The following UBN2 variants were observed in gnomAD, a reference collection of about 807,000 sequenced individuals.
The protein encoded by UBN2 is ubinuclein 2.
A neutral mutation model predicts 120.2 loss-of-function variants in UBN2; 35 were observed. That is an observed-to-expected ratio of 0.29 (90% CI 0.22 to 0.39). The LOEUF is 0.39. UBN2 is among the 10% of genes least tolerant of loss of function. The pLI, the probability that UBN2 is intolerant of heterozygous loss-of-function variation, is 1.00. For synonymous variants in UBN2, 661 were observed against 648.7 expected (o/e 1.02, Z -0.29); for missense variants, 1,693 against 1,663.2 (o/e 1.02, Z -0.31).
intron 15 of UBN2, among the ~76,000 whole-genome samples, chr7:139,288,838 C>A (rs148695694): frequency 0.017 from 2,563 of 151,878 alleles, 51 homozygotes; most frequent in African/African-American, 0.051. Flanking sequence ...CCCATCTCTA[C>A]TAAAAATACA....
At chr7:139,292,548 A>G (rs1797991524) in intron 15 of UBN2, among the ~76,000 whole-genome samples, 1 of 152,332 alleles carries the variant, frequency 6.6e-6, no homozygotes, top group East Asian at 1.9e-4. Flanking sequence ...AGGAAACTGA[A>G]GTCTGTCATT....
chr7:139,261,610 T>C lies in UBN2; in HGVS notation c.1264T>C (p.Ser422Pro). 1 of 1,614,196 alleles carries C rather than the reference T, an allele frequency of 6.2e-7. No individual in the cohort carries two copies. The highest frequency in any genetic ancestry group is 8.5e-7 in the Non-Finnish European group (1 of 1,180,026). ...TGCTGCTTCTGATGGTAGCCCCCTA[T>C]CTGAGTCGGGGGGTGAAAATGGAAC... ...LDAASDGSPL[S>P]ESGGENGTTT... The change falls in exon 6 of 18, where the codon TCT (serine) becomes CCT (proline). Residue 422 changes from serine (S) to proline (P), a missense_variant. Physicochemically the swap from Ser to Pro is moderately conservative, Grantham distance 74. Around this residue, in one of 5 missense-constraint regions of UBN2, gnomAD observed 663 missense variants for 591.2 expected, o/e 1.12. Transcript: ENST00000473989.
intron 2 of UBN2, among the ~76,000 whole-genome samples, chr7:139,248,389 C>G (rs998984742): frequency 6.6e-6 from 1 of 152,078 alleles, no homozygotes; most frequent in African/African-American, 2.4e-5. Context: ...CATTCTTTAT[C>G]AGCAGTGTTT....
Position 139,283,760 on chromosome 7 carries a change from C to T in UBN2, c.2855C>T (p.Thr952Ile). 2 of 1,613,824 alleles carry T rather than the reference C, an allele frequency of 1.2e-6. No homozygotes were observed. The highest frequency in any genetic ancestry group is 1.7e-6 in the Non-Finnish European group (2 of 1,180,028). Residue 952 changes from threonine (T) to isoleucine (I), a missense_variant, in exon 15 of 18, where the codon ACC becomes ATC. By Grantham distance (89) the Thr-to-Ile change is moderately conservative. Transcript: ENST00000473989. The part of the protein sequence containing the change: ...PLQATISKSQ[T>I]NPVVKLSNNP... ...CAGGCCACCATCAGTAAATCCCAGA[C>T]CAACCCCGTCGTGAAGTTAAGTAAT...
At chr7:139,240,936 C>G (rs137910687) in intron 2 of UBN2, among the ~76,000 whole-genome samples, 1 of 152,152 alleles carries the variant, frequency 6.6e-6, no homozygotes, top group East Asian at 1.9e-4. Flanking sequence ...TTTCTACAAC[C>G]GTATAGGCTC....
In UBN2 at chr7:139,279,365, G is replaced by A. The variant is rs549333341; in HGVS notation, c.2067+5G>A. 1 of 1,597,480 alleles carries A rather than the reference G, an allele frequency of 6.3e-7. No homozygotes were observed. Among genetic ancestry groups the A allele is most frequent in the Non-Finnish European group, 8.5e-7 (1 of 1,172,006 alleles). On this transcript the variant is annotated splice_donor_5th_base_variant and intron_variant, in intron 13 of 17. Coordinates refer to ENST00000473989, the MANE Select transcript of UBN2 (RefSeq NM_173569.4). ...GCACCTAAACCCAAAGTAAAGGTAAGTACTGAAACAAAATATTTAATTAGT... is the reference window on the plus strand; with the variant it reads ...GCACCTAAACCCAAAGTAAAGGTAAATACTGAAACAAAATATTTAATTAGT...
chr7:139,295,319 G>C (rs536334435), intron 17 of UBN2, among the ~76,000 whole-genome samples: 1 of 152,134 alleles, frequency 6.6e-6, no homozygotes, highest in East Asian at 1.9e-4. Flanking sequence ...CAGCAATCCC[G>C]ATCTTCCTGA....
intron 3 of UBN2, among the ~76,000 whole-genome samples, chr7:139,255,958 A>G (rs1373146655): frequency 1.3e-5 from 2 of 152,320 alleles, no homozygotes; most frequent in South Asian, 2.1e-4. Context: ...TTGTGAAGTA[A>G]TATTGTCCCT....
chr7:139,323,285 C>G, the UBN2 span, among the ~76,000 whole-genome samples: 1 of 152,058 alleles, frequency 6.6e-6, no homozygotes, highest in Non-Finnish European at 1.5e-5. Flanking sequence ...GAAACCTCGT[C>G]TCTACCAAAA....
At chr7:139,244,346 C>T (rs895021517) in intron 2 of UBN2, among the ~76,000 whole-genome samples, 3 of 152,084 alleles carry the variant, frequency 2.0e-5, no homozygotes, top group Non-Finnish European at 2.9e-5. Context: ...TGTGCAATTA[C>T]GTTTGTACTT....
the UBN2 span, among the ~76,000 whole-genome samples, chr7:139,319,926 A>C: frequency 1.3e-5 from 2 of 150,888 alleles, no homozygotes; most frequent in Non-Finnish European, 3.0e-5. Context: ...AATACAAAAA[A>C]TTAGCTGAGT....
At chr7:139,252,276 T>C (rs1325855667) in intron 3 of UBN2, among the ~76,000 whole-genome samples, 2 of 152,150 alleles carry the variant, frequency 1.3e-5, no homozygotes, top group East Asian at 3.9e-4. Context: ...TGAATTGTTA[T>C]TACATTGTTA....
Position 139,283,886 on chromosome 7 carries a change from A to G in UBN2, c.2981A>G (p.Gln994Arg), listed in dbSNP as rs1253996353. The G allele has an allele frequency of 6.2e-7, 1 of 1,614,064 alleles. No homozygotes were observed. Among genetic ancestry groups the G allele is most frequent in the South Asian group, 1.1e-5 (1 of 91,080 alleles). The change falls in exon 15 of 18, where the codon CAA (glutamine) becomes CGA (arginine). Residue 994 changes from glutamine (Q) to arginine (R), a missense_variant. Physicochemically the swap from Gln to Arg is conservative, Grantham distance 43. Transcript: ENST00000473989. ...LSTPSPGNGS[Q>R]GSHPLVSRTV... Reference sequence around the variant, plus strand: ...ACCCCCTCACCTGGAAATGGTTCTCAAGGGTCCCACCCCCTGGTTTCTAGG... The same window carrying G: ...ACCCCCTCACCTGGAAATGGTTCTCGAGGGTCCCACCCCCTGGTTTCTAGG...
rs1796936859 is a variant in UBN2, at chr7:139,261,631, G to A, written c.1285G>A (p.Gly429Arg). The A allele has an allele frequency of 6.2e-7, 1 of 1,614,182 alleles. No homozygotes were observed. The highest frequency in any genetic ancestry group is 1.1e-5 in the South Asian group (1 of 91,076). Residue 429 changes from glycine to arginine, a missense_variant, in exon 6 of 18, where the codon GGA becomes AGA. Gly to Arg is a moderately radical substitution (Grantham distance 125). This residue lies in a region of UBN2 where 663 missense variants were observed against 591.2 expected (regional missense o/e 1.12). Coordinates refer to ENST00000473989, the MANE Select transcript of UBN2 (RefSeq NM_173569.4). ...SPLSESGGEN[G>R]TTTQPTYTSQ... ...CCTATCTGAGTCGGGGGGTGAAAATGGAACCACCACCCAGCCAACCTACAC... is the reference window on the plus strand; with the variant it reads ...CCTATCTGAGTCGGGGGGTGAAAATAGAACCACCACCCAGCCAACCTACAC...
the UBN2 span, among the ~76,000 whole-genome samples, chr7:139,319,970 G>A: frequency 2.0e-5 from 3 of 151,778 alleles, no homozygotes; most frequent in Non-Finnish European, 4.4e-5. Context: ...CAGCTACTCC[G>A]GAGGCCAAGG....
chr7:139,280,512 G>T (rs575640601), intron 13 of UBN2, among the ~76,000 whole-genome samples: 2 of 152,202 alleles, frequency 1.3e-5, no homozygotes, highest in East Asian at 3.9e-4. Context: ...TGTTGTTGTT[G>T]TTGTTTTTAA....
At chr7:139,239,166 C>T (rs946779641) in intron 2 of UBN2, among the ~76,000 whole-genome samples, 2 of 152,112 alleles carry the variant, frequency 1.3e-5, no homozygotes, top group Non-Finnish European at 2.9e-5. Context: ...TATTCCTTTC[C>T]CACCCCCTTT....
chr7:139,265,784 C>T (rs567800480), intron 6 of UBN2, among the ~76,000 whole-genome samples: 1 of 152,256 alleles, frequency 6.6e-6, no homozygotes, highest in South Asian at 2.1e-4. Context: ...ATGCTGGCAG[C>T]CACCAGAAGC....
chr7:139,269,546 C>G lies in UBN2; in HGVS notation c.1596+23C>G, dbSNP rs747571462. 6 of 1,611,438 alleles carry G rather than the reference C, an allele frequency of 3.7e-6. No homozygotes were observed. The Admixed American group carries it at 1.0e-4, about 27-fold the overall frequency. On this transcript the variant is annotated intron_variant, in intron 8 of 17. Transcript: ENST00000473989. ...CAGGTAAGAGGAAGAACAATAATAT[C>G]TACATCTTGGGTTTCATAACCTGTA... is the stretch of plus-strand genomic sequence containing the variant.
Sources: gnomAD v4.1 joint callset for allele counts (sites outside exome capture counted in the v4.1 genomes callset) on GRCh38, gnomAD v4.1.1 for gene constraint, gnomAD v4.1.1 regional missense constraint, MANE v1.5 for transcripts, NCBI Gene and HGNC (gene_info 2026-07-23, HGNC 2026-07-21) for gene names.